SCGB2B2: variants seen among roughly 807,000 people sequenced by gnomAD.
The protein encoded by SCGB2B2 is secretoglobin family 2B member 2, also known as secretoglobin-like protein.
Under a neutral mutation model 7.6 loss-of-function variants are expected in SCGB2B2, and 11 were observed. The ratio of observed to expected loss-of-function variants is 1.45; its 90% confidence interval spans 0.91 to 2.40. The LOEUF (loss-of-function observed/expected upper bound fraction) is 2.40. SCGB2B2 is among the 30% of genes most tolerant of loss of function. SCGB2B2 has a pLI of 0.00. For synonymous variants in SCGB2B2, 50 were observed against 48.6 expected (o/e 1.03, Z -0.12); for missense variants, 104 against 115.4 (o/e 0.90, Z 0.45).
chr19:34,637,982 G>A (rs1446136959), intron 1 of SCGB2B2: 1 of 152,230 alleles, frequency 6.6e-6, no homozygotes, highest in Non-Finnish European at 1.5e-5. Context: ...TAGAAAATGT[G>A]TTTCCTTGCT....
intron 1 of SCGB2B2, among the ~76,000 whole-genome samples, chr19:34,670,280 GTCGC>G (rs2067768444): frequency 6.6e-6 from 1 of 152,168 alleles, no homozygotes; most frequent in Admixed American, 6.5e-5. Context: ...ATTACACCAA[GTCGC>G]AGAGTAAGTG....
intron 1 of SCGB2B2, among the ~76,000 whole-genome samples, chr19:34,610,564 G>A (rs1434605776): frequency 1.3e-5 from 2 of 152,028 alleles, no homozygotes; most frequent in African/African-American, 2.4e-5. Context: ...CTATTTATAT[G>A]ATCTTACAGT....
chr19:34,612,951 G>A (rs1031639616), intron 1 of SCGB2B2, among the ~76,000 whole-genome samples: 1 of 152,102 alleles, frequency 6.6e-6, no homozygotes, highest in Non-Finnish European at 1.5e-5. Flanking sequence ...TTGTCATGGA[G>A]TCATTTATCC....
chr19:34,599,955 C>T (rs1309556165), intron 1 of SCGB2B2, among the ~76,000 whole-genome samples: 3 of 152,174 alleles, frequency 2.0e-5, no homozygotes, highest in Middle Eastern at 3.2e-3. Context: ...TCACAATGCG[C>T]CCTCCAGTTC....
intron 1 of SCGB2B2, among the ~76,000 whole-genome samples, chr19:34,662,587 G>A (rs1306788764): frequency 3.3e-5 from 5 of 151,782 alleles, no homozygotes; most frequent in Non-Finnish European, 7.4e-5. Context: ...TTAAACTTCT[G>A]CTCATTAAAA....
chr19:34,607,384 C>T (rs543885512), intron 1 of SCGB2B2, among the ~76,000 whole-genome samples: 7 of 152,108 alleles, frequency 4.6e-5, no homozygotes, highest in African/African-American at 1.7e-4. Flanking sequence ...AGGTTGTTTC[C>T]CTATCTTGGT....
intron 1 of SCGB2B2, among the ~76,000 whole-genome samples, chr19:34,618,267 G>T (rs1444277760): frequency 1.3e-5 from 2 of 152,184 alleles, no homozygotes; most frequent in Admixed American, 1.3e-4. Flanking sequence ...AGCTTATAAA[G>T]AAATCTATCC....
At chr19:34,641,648 ATCACCTTT>A (rs11279469) in intron 1 of SCGB2B2, among the ~76,000 whole-genome samples, 74,420 of 151,416 alleles carry the variant, frequency 0.49, 19,093 homozygotes, top group African/African-American at 0.63. Flanking sequence ...AAATTGGGTG[ATCACCTTT>A]TCTATTTCTA....
At chr19:34,652,108 C>T (rs1322771676) in intron 1 of SCGB2B2, among the ~76,000 whole-genome samples, 1 of 151,054 alleles carries the variant, frequency 6.6e-6, no homozygotes, top group Non-Finnish European at 1.5e-5. Context: ...ACCCCTATCT[C>T]TCATTATATT....
chr19:34,608,673 A>ATATATATATATATATATATATAT (rs1491457408), intron 1 of SCGB2B2: 1 of 59,058 alleles, frequency 1.7e-5, no homozygotes, highest in Non-Finnish European at 4.6e-5. Flanking sequence ...ATATATATAT[A>ATATATATATATATATATATATAT]TATATATATA....
chr19:34,605,651 G>A (rs1479198833), intron 1 of SCGB2B2, among the ~76,000 whole-genome samples: 1 of 152,162 alleles, frequency 6.6e-6, no homozygotes, highest in East Asian at 1.9e-4. Context: ...GCAATGGTGT[G>A]ATCTTGGCTC....
intron 1 of SCGB2B2, among the ~76,000 whole-genome samples, chr19:34,606,043 TA>T (rs199849823): frequency 6.6e-6 from 1 of 151,912 alleles, no homozygotes; most frequent in Non-Finnish European, 1.5e-5. Flanking sequence ...ACGTAGTTAC[TA>T]AAATTTTTTT....
chr19:34,655,517 G>A (rs1943990619), intron 1 of SCGB2B2, among the ~76,000 whole-genome samples: 1 of 151,104 alleles, frequency 6.6e-6, no homozygotes, highest in African/African-American at 2.5e-5. Context: ...CCTTCCAGAT[G>A]GAACCAATGT....
chr19:34,645,200 GCCTGGAC>G, intron 1 of SCGB2B2, among the ~76,000 whole-genome samples: 1 of 152,144 alleles, frequency 6.6e-6, no homozygotes, highest in Admixed American at 6.5e-5. Context: ...TGTTTGTTGA[GCCTGGAC>G]TCGGTGGCAG....
At position 34,591,676 on chromosome 19, in the gene SCGB2B2, T is replaced by C. The variant is rs2065301200; in HGVS notation, c.*1879A>G. Among the ~76,000 whole-genome samples the C allele has an allele frequency of 6.6e-6, 1 of 152,192 alleles. No individual in the cohort carries two copies. The highest frequency in any genetic ancestry group is 2.4e-5 in the African/African-American group (1 of 41,442). ...CCCCTTGTTCCAGCTGCACTGGCCA[T>C]TTCTCCAACACAACAAATCCTTTCT... On this transcript the variant is annotated 3_prime_UTR_variant, in exon 4 of 4. Transcript: ENST00000601241.
intron 1 of SCGB2B2, chr19:34,632,752 A>G (rs140248009): frequency 3.2e-4 from 48 of 152,336 alleles, no homozygotes; most frequent in African/African-American, 1.1e-3. Flanking sequence ...TATTTTCTGT[A>G]TTTTATGGTG....
chr19:34,615,355 G>A (rs1216893793), intron 1 of SCGB2B2, among the ~76,000 whole-genome samples: 1 of 151,968 alleles, frequency 6.6e-6, no homozygotes, highest in Non-Finnish European at 1.5e-5. Flanking sequence ...GGGATCCTCT[G>A]GTTTACCTTC....
intron 1 of SCGB2B2, among the ~76,000 whole-genome samples, chr19:34,652,460 C>T (rs1280982801): frequency 6.6e-6 from 1 of 151,252 alleles, no homozygotes; most frequent in Non-Finnish European, 1.5e-5. Context: ...AGAAAAACTA[C>T]AAGTAATCTG....
chr19:34,637,075 A>C (rs12973080), intron 1 of SCGB2B2, among the ~76,000 whole-genome samples: 130,472 of 152,210 alleles, frequency 0.86, 56,698 homozygotes, highest in Middle Eastern at 0.91. Flanking sequence ...GTGGTCCCTG[A>C]AAATAGTAAC....
Sources: gnomAD v4.1 joint callset for allele counts (sites outside exome capture counted in the v4.1 genomes callset) on GRCh38, gnomAD v4.1.1 for gene constraint, MANE v1.5 for transcripts, NCBI Gene and HGNC (gene_info 2026-07-23, HGNC 2026-07-21) for gene names.